Variants in RBMX2 observed in about 807,000 individuals in gnomAD.
RBMX2 encodes RNA binding motif protein X-linked 2, also known as RNA-binding motif protein, X-linked 2.
For missense variants in RBMX2, 191 were observed against 256.0 expected (o/e 0.75, Z 1.73); for synonymous variants, 77 against 94.3 (o/e 0.82, Z 1.07).
intron 3 of RBMX2, among the ~76,000 whole-genome samples, chrX:130,407,109 G>A (rs1371696229): frequency 1.9e-5 from 2 of 106,046 alleles, no homozygotes; most frequent in Non-Finnish European, 3.9e-5. Flanking sequence ...GTCAACATGA[G>A]TTCCTTCAAG....
intron 1 of RBMX2, 30 bp from the exon 2 acceptor site, chrX:130,402,225 A>AGCCAAC: frequency 1.3e-4 from 128 of 984,622 alleles, no homozygotes; most frequent in Non-Finnish European, 1.6e-4. Flanking sequence ...TTTTCTGCCT[A>AGCCAAC]CCCTCCCCAC....
At chrX:130,411,630 G>A in intron 5 of RBMX2, 105 bp downstream of exon 5, 1 of 790,031 alleles carries the variant, frequency 1.3e-6, no homozygotes, top group South Asian at 3.8e-5. Flanking sequence ...AGGGGAAGGT[G>A]TGGGGAAGCA....
intron 5 of RBMX2, among the ~76,000 whole-genome samples, chrX:130,412,071 C>T (rs1449022242): frequency 9.1e-6 from 1 of 109,914 alleles, no homozygotes; most frequent in East Asian, 2.9e-4. Flanking sequence ...TAGAAGCACC[C>T]GCCACCACAC....
intron 4 of RBMX2, chrX:130,411,130 T>C: frequency 3.4e-6 from 1 of 297,664 alleles, no homozygotes; most frequent in Non-Finnish European, 5.9e-6. Context: ...CTGGTACAAC[T>C]GCCCCAGGCC....
At chrX:130,407,338 G>A (rs1230930093) in intron 3 of RBMX2, among the ~76,000 whole-genome samples, 1 of 111,188 alleles carries the variant, frequency 9.0e-6, no homozygotes, top group Non-Finnish European at 1.9e-5. Context: ...CTGTAGCCTT[G>A]AGCTCTTGGG....
intron 4 of RBMX2, among the ~76,000 whole-genome samples, chrX:130,410,998 C>G (rs753024431): frequency 8.9e-6 from 1 of 112,096 alleles, no homozygotes; most frequent in African/African-American, 3.2e-5. Flanking sequence ...CATTGTGCAT[C>G]TAAATCTCAG....
At chrX:130,409,093 G>A (rs1203356725) in intron 3 of RBMX2, among the ~76,000 whole-genome samples, 164 bp from the exon 4 acceptor site, 1 of 111,441 alleles carries the variant, frequency 9.0e-6, no homozygotes, top group African/African-American at 3.3e-5. Flanking sequence ...TTTAATTGGG[G>A]GTTCCTGTTC....
At chrX:130,409,907 C>T (rs2034504095) in intron 4 of RBMX2, among the ~76,000 whole-genome samples, 1 of 112,237 alleles carries the variant, frequency 8.9e-6, no homozygotes, top group Non-Finnish European at 1.9e-5. Context: ...AAATTTTCTC[C>T]CCCCAGTTCC....
chrX:130,412,994 G>A lies in RBMX2; in HGVS notation c.*146G>A. The A allele has an allele frequency of 1.7e-6, 1 of 574,954 alleles. No individual in the cohort carries two copies. Among genetic ancestry groups the A allele is most frequent in the Non-Finnish European group, 2.6e-6 (1 of 377,829 alleles). 47.4% of individuals were successfully genotyped at this position (574,954 alleles called of 1,213,427 possible). ...ACTATTTAGAGTCATTGGGAGGGCT[G>A]CAGTTTCAACAGCTAGATATCCTGG... On this transcript the variant is annotated 3_prime_UTR_variant, in exon 6 of 6. Transcript: ENST00000305536.
At chrX:130,404,256 A>T (rs2034472768) in intron 3 of RBMX2, 1 of 156,325 alleles carries the variant, frequency 6.4e-6, no homozygotes, top group Admixed American at 7.3e-5. Context: ...GGGGTAAAAA[A>T]CAGAAGGTCG....
At chrX:130,408,328 A>G (rs1330988530) in intron 3 of RBMX2, among the ~76,000 whole-genome samples, 1 of 112,110 alleles carries the variant, frequency 8.9e-6, no homozygotes, top group Non-Finnish European at 1.9e-5. Context: ...ATTAACTGCC[A>G]TCTGCTTTCA....
chrX:130,409,395 G>A lies in RBMX2; in HGVS notation c.303+9G>A. 8.3e-7 allele frequency: 1 copy of A among 1,198,037 alleles called. No individual in the cohort carries two copies. The highest frequency in any genetic ancestry group is 1.1e-6 in the Non-Finnish European group (1 of 888,873). On this transcript the variant is annotated intron_variant, in intron 4 of 5. Coordinates refer to ENST00000305536, the MANE Select transcript of RBMX2 (RefSeq NM_016024.4). ...ATTTTAATGGGATCAAGGTGAGTGT[G>A]CTTATTAAGCAGGTTGGTTGGACTT...
Position 130,406,673 on chromosome X carries a change from CA to C in RBMX2, c.174-2568del, listed in dbSNP as rs760646561. Among the ~76,000 whole-genome samples, 400 of 58,684 alleles carry C rather than the reference CA, an allele frequency of 6.8e-3. 1 individual carries two copies. Among genetic ancestry groups the C allele is most frequent in the Admixed American group, 0.012 (57 of 4,781 alleles). The allele number at this position is 58,684 out of a possible 115,157, so 51.0% of individuals were successfully genotyped here. On this transcript the variant is annotated intron_variant, in intron 3 of 5. Transcript: ENST00000305536. ...GGGCAACAGAGTGAGACTCTGTCTCCAAAAAAAAAAAAAAAAGAACAAAATG... is the reference window on the plus strand; with the variant it reads ...GGGCAACAGAGTGAGACTCTGTCTCCAAAAAAAAAAAAAAAGAACAAAATG...
chrX:130,413,649 T>G lies in RBMX2; in HGVS notation c.*801T>G, dbSNP rs1377781079. On this transcript the variant is annotated 3_prime_UTR_variant, in exon 6 of 6. Coordinates refer to ENST00000305536, the MANE Select transcript of RBMX2 (RefSeq NM_016024.4). ...TTCTGGATCTTTCATAAAAATGGAA[T>G]TACACAATTGTGGCCTTTTGTGTCT... 9.2e-5 allele frequency among the ~76,000 whole-genome samples: 10 copies of G among 109,003 alleles called. No individual in the cohort carries two copies. The highest frequency in any genetic ancestry group is 1.9e-4 in the Non-Finnish European group (10 of 52,497). 94.7% of individuals were successfully genotyped at this position (109,003 alleles called of 115,157 possible).
chrX:130,413,547 A>C lies in RBMX2; in HGVS notation c.*699A>C, dbSNP rs900403403. Among the ~76,000 whole-genome samples the C allele has an allele frequency of 9.1e-5, 10 of 110,140 alleles. No individual in the cohort carries two copies. Among genetic ancestry groups the C allele is most frequent in the African/African-American group, 3.3e-4 (10 of 30,255 alleles). ...CCAAAATGAAACCCTGTAGCCATTA[A>C]ACAAGAGCTCCCCGTTTCCTCCCTC... On this transcript the variant is annotated 3_prime_UTR_variant, in exon 6 of 6. Coordinates refer to ENST00000305536, the MANE Select transcript of RBMX2 (RefSeq NM_016024.4).
At chrX:130,407,859 C>T (rs745820962) in intron 3 of RBMX2, among the ~76,000 whole-genome samples, 7 of 110,493 alleles carry the variant, frequency 6.3e-5, no homozygotes, top group Non-Finnish European at 1.1e-4. Flanking sequence ...GGGGTCTGGC[C>T]GTATTGTCCA....
intron 3 of RBMX2, among the ~76,000 whole-genome samples, chrX:130,406,596 C>T (rs370549066): frequency 4.8e-5 from 5 of 104,615 alleles, no homozygotes; most frequent in African/African-American, 1.1e-4. Context: ...TCACTTGAAT[C>T]GGGAAGGTGG....
chrX:130,409,244 A>G lies in RBMX2; in HGVS notation c.174-13A>G. 2 of 1,188,826 alleles carry G rather than the reference A, an allele frequency of 1.7e-6. No homozygotes were observed. The highest frequency in any genetic ancestry group is 1.8e-5 in the African/African-American group (1 of 56,715). ...TAAGTCAACAGTGTCTTACTCTTTT[A>G]TAAAATAAATAGATATGGGGAGATT... On this transcript the variant is annotated splice_polypyrimidine_tract_variant and intron_variant, in intron 3 of 5. Transcript: ENST00000305536.
intron 5 of RBMX2, 25 bp downstream of exon 5, chrX:130,411,550 G>T (rs1440766729): frequency 3.5e-6 from 4 of 1,131,540 alleles, no homozygotes; most frequent in Non-Finnish European, 4.7e-6. Flanking sequence ...CTTAAGAGAA[G>T]ATTCTGGGTG....
Sources: allele counts gnomAD v4.1 joint callset (sites outside exome capture counted in the v4.1 genomes callset), GRCh38; gene constraint gnomAD v4.1.1; transcripts MANE v1.5; gene names NCBI Gene and HGNC (gene_info 2026-07-23, HGNC 2026-07-21).